ADARB1: variants seen among roughly 807,000 people sequenced by gnomAD.
ADARB1 encodes the protein double-stranded RNA-specific editase 1.
ADARB1 carries 10 observed loss-of-function variants against 52.4 expected under a neutral mutation model. The ratio of observed to expected loss-of-function variants is 0.19; its 90% CI spans 0.12 to 0.32. The LOEUF is 0.32. ADARB1 is among the 10% of genes least tolerant of loss of function. ADARB1 has a pLI of 1.00. For missense variants in ADARB1, 643 were observed against 922.3 expected (o/e 0.70, Z 3.92); for synonymous variants, 349 against 371.1 (o/e 0.94, Z 0.68).
Position 45,172,767 on chromosome 21 carries a change from G to A in ADARB1, c.28+1083G>A, listed in dbSNP as rs371510348. Among the ~76,000 whole-genome samples the A allele has an allele frequency of 4.6e-5, 7 of 152,316 alleles. No individual in the cohort carries two copies. Among genetic ancestry groups the A allele is most frequent in the African/African-American group, 1.7e-4 (7 of 41,556 alleles). On this transcript the variant is annotated intron_variant, in intron 3 of 10. Coordinates refer to ENST00000348831, the MANE Select transcript of ADARB1 (RefSeq NM_001112.4). The surrounding 1 kb of genome is among the most constrained non-coding windows in gnomAD (Gnocchi z 4.4). Reference sequence around the variant, plus strand: ...TCCTGCAGTGCTACCCAGGAACCACGGGACCAGCGTGCTCACCTCACTTCC... The same window carrying A: ...TCCTGCAGTGCTACCCAGGAACCACAGGACCAGCGTGCTCACCTCACTTCC...
intron 2 of ADARB1, among the ~76,000 whole-genome samples, chr21:45,159,993 C>A (rs976197648): frequency 6.6e-6 from 1 of 152,204 alleles, no homozygotes; most frequent in Admixed American, 6.5e-5. Context: ...TGCATTTATT[C>A]TTTTATGAAT....
chr21:45,219,160 C>T (rs1349912219), intron 9 of ADARB1, among the ~76,000 whole-genome samples: 2 of 152,176 alleles, frequency 1.3e-5, no homozygotes, highest in Non-Finnish European at 2.9e-5. Flanking sequence ...AACATTATTT[C>T]TCAACATAAG....
chr21:45,164,398 G>A lies in ADARB1; in HGVS notation c.-47-7212G>A, dbSNP rs779252205. On this transcript the variant is annotated intron_variant, in intron 2 of 10. Coordinates refer to ENST00000348831, the MANE Select transcript of ADARB1 (RefSeq NM_001112.4). ...CTCAGTGTACAGCATGCCTGTGGGGGCAGGCATGGCGCCCGGGGTGGAGGG... is the reference window on the plus strand; with the variant it reads ...CTCAGTGTACAGCATGCCTGTGGGGACAGGCATGGCGCCCGGGGTGGAGGG... Among the ~76,000 whole-genome samples, 193 of 152,214 alleles carry A rather than the reference G, an allele frequency of 1.3e-3. 2 individuals carry two copies. The highest frequency in any genetic ancestry group is 3.9e-4 in the East Asian group (2 of 5,148).
chr21:45,133,382 C>T (rs1338951356), intron 2 of ADARB1, among the ~76,000 whole-genome samples: 1 of 152,228 alleles, frequency 6.6e-6, no homozygotes. Flanking sequence ...CAGGGTCTCC[C>T]CTCTTCCTTT....
chr21:45,129,387 A>AG (rs1311851546), intron 2 of ADARB1, among the ~76,000 whole-genome samples: 1 of 152,240 alleles, frequency 6.6e-6, no homozygotes, highest in African/African-American at 2.4e-5. Flanking sequence ...TGACTAACTC[A>AG]GGAAGTCCAG....
At chr21:45,192,584 C>T (rs191554310) in intron 8 of ADARB1, among the ~76,000 whole-genome samples, 168 of 152,118 alleles carry the variant, frequency 1.1e-3, no homozygotes, top group African/African-American at 3.8e-3. Context: ...TTGAGACCAC[C>T]GGGCTATAAG....
intron 1 of ADARB1, among the ~76,000 whole-genome samples, chr21:45,105,135 C>T (rs1266044393): frequency 1.3e-5 from 2 of 152,146 alleles, no homozygotes; most frequent in Non-Finnish European, 2.9e-5. Flanking sequence ...GAGTCTGGCA[C>T]TGTCACCCAG....
At chr21:45,129,671 C>T (rs548048149) in intron 2 of ADARB1, among the ~76,000 whole-genome samples, 2 of 152,264 alleles carry the variant, frequency 1.3e-5, no homozygotes, top group East Asian at 1.9e-4. Flanking sequence ...GGGGAGGGAG[C>T]GGTCACCAGG....
intron 2 of ADARB1, among the ~76,000 whole-genome samples, chr21:45,151,962 T>C (rs1425666294): frequency 6.6e-6 from 1 of 152,108 alleles, no homozygotes; most frequent in African/African-American, 2.4e-5. Flanking sequence ...TCTGCAGTAA[T>C]GAACAAGGCA....
chr21:45,112,576 A>G (rs2145759959), intron 1 of ADARB1, among the ~76,000 whole-genome samples: 1 of 152,000 alleles, frequency 6.6e-6, no homozygotes. Flanking sequence ...AGTTGGGTGG[A>G]AATAAAGCAG....
chr21:45,225,469 A>C lies in ADARB1; in HGVS notation c.*3272A>C. 3 of 1,310,714 alleles carry C rather than the reference A, an allele frequency of 2.3e-6. No homozygotes were observed. Among genetic ancestry groups the C allele is most frequent in the Non-Finnish European group, 2.9e-6 (3 of 1,021,540 alleles). 81.2% of individuals were successfully genotyped at this position (1,310,714 alleles called of 1,614,324 possible). A position where few individuals can be genotyped will look rare whatever the true frequency, so the allele number is the denominator to read the frequency against. On this transcript the variant is annotated 3_prime_UTR_variant, in exon 11 of 11. Transcript: ENST00000348831. ...TTCTGTGGAATTTATTTTTATTCAAATAACCATATTTATCTCCAGGCTGTG... is the reference window on the plus strand; with the variant it reads ...TTCTGTGGAATTTATTTTTATTCAACTAACCATATTTATCTCCAGGCTGTG...
rs1302155948 is a variant in ADARB1 at position 45,220,141 on chromosome 21, T to C, written c.1748-695T>C. On this transcript the variant is annotated intron_variant, in intron 9 of 10. Coordinates refer to ENST00000348831, the MANE Select transcript of ADARB1 (RefSeq NM_001112.4). The surrounding 1 kb of genome is among the most constrained non-coding windows in gnomAD (Gnocchi z 6.3). ...CGCTTTTCAAACAGATGTCTTAATCTTCTTAGTGCCTCAAACTAGATCCTA... is the reference window on the plus strand; with the variant it reads ...CGCTTTTCAAACAGATGTCTTAATCCTCTTAGTGCCTCAAACTAGATCCTA... Among the ~76,000 whole-genome samples the C allele has an allele frequency of 1.3e-5, 2 of 152,330 alleles. No homozygotes were observed. Among genetic ancestry groups the C allele is most frequent in the African/African-American group, 2.4e-5 (1 of 41,564 alleles).
chr21:45,152,675 A>G (rs917528629), intron 2 of ADARB1: 2 of 449,802 alleles, frequency 4.4e-6, no homozygotes, highest in Non-Finnish European at 9.0e-6. Context: ...GCGTCGGTAT[A>G]AAAGGAGGCG....
intron 5 of ADARB1, among the ~76,000 whole-genome samples, chr21:45,182,354 G>C (rs929205364): frequency 6.6e-6 from 1 of 152,198 alleles, no homozygotes; most frequent in African/African-American, 2.4e-5. Flanking sequence ...AATGACGATG[G>C]TTGGCTTTCC....
At chr21:45,113,152 C>T (rs909834005) in intron 1 of ADARB1, among the ~76,000 whole-genome samples, 4 of 152,110 alleles carry the variant, frequency 2.6e-5, no homozygotes, top group Admixed American at 6.5e-5. Context: ...TGGCCAGGCT[C>T]GGTGGCTCAC....
chr21:45,103,103 C>CAAG (rs1351747385), intron 1 of ADARB1, among the ~76,000 whole-genome samples: 4 of 152,170 alleles, frequency 2.6e-5, no homozygotes, highest in Non-Finnish European at 4.4e-5. Context: ...AGTCAAAAAC[C>CAAG]AAGAAGAGTC....
In ADARB1 at chr21:45,224,129, A is replaced by G; in HGVS notation, c.*1932A>G. The G allele has an allele frequency of 1.0e-6, 1 of 985,324 alleles. No homozygotes were observed. Among genetic ancestry groups the G allele is most frequent in the Non-Finnish European group, 1.2e-6 (1 of 829,904 alleles). The allele number at this position is 985,324 out of a possible 1,614,324, so 61.0% of individuals were successfully genotyped here. On this transcript the variant is annotated 3_prime_UTR_variant, in exon 11 of 11. Coordinates refer to ENST00000348831, the MANE Select transcript of ADARB1 (RefSeq NM_001112.4). Reference sequence around the variant, plus strand: ...ACACCTTGTAAGTCTGTGCATTTTTATTGTCTTGATAAATTGTATTTTTTT... The same window carrying G: ...ACACCTTGTAAGTCTGTGCATTTTTGTTGTCTTGATAAATTGTATTTTTTT...
intron 1 of ADARB1, among the ~76,000 whole-genome samples, chr21:45,098,211 G>A (rs2086848012): frequency 6.6e-6 from 1 of 152,114 alleles, no homozygotes; most frequent in Admixed American, 6.5e-5. Flanking sequence ...AGGGCATCTG[G>A]AATACAACTG....
In ADARB1 at chr21:45,185,059, G is replaced by C. The variant is rs2092055877; in HGVS notation, c.1533G>C (p.Leu511=). Residue 511 remains leucine, a synonymous_variant, in exon 8 of 11, where the codon CTG becomes CTC. Transcript: ENST00000348831. ...ACGGGGTGCTGCAAGGGGAGCGGCT[G>C]CTCACCATGTCCTGCAGTGACAAGA... is the stretch of plus-strand genomic sequence containing the variant. ...TWDGVLQGER[L]LTMSCSDKIA... is the part of the protein sequence containing the mutation. The C allele has an allele frequency of 1.9e-6, 3 of 1,614,174 alleles. No individual in the cohort carries two copies. In the East Asian group the frequency reaches 6.7e-5, roughly 36 times the overall value.
Sources: allele counts gnomAD v4.1 joint callset (sites outside exome capture counted in the v4.1 genomes callset), GRCh38; gene constraint gnomAD v4.1.1; non-coding constraint Gnocchi (gnomAD v3.1); transcripts MANE v1.5; gene names NCBI Gene and HGNC (gene_info 2026-07-23, HGNC 2026-07-21).